AP2B1: variants seen among roughly 807,000 people sequenced by gnomAD.
The protein encoded by AP2B1 is AP-2 complex subunit beta.
In AP2B1, 23 loss-of-function variants were observed where a neutral mutation model predicts 102.0. That is an observed-to-expected ratio of 0.23 (90% confidence interval 0.16 to 0.32). AP2B1 has a LOEUF of 0.32. Ranked by LOEUF, AP2B1 falls within the 10% of genes least tolerant of loss-of-function variation. AP2B1 has a pLI of 1.00. For missense variants in AP2B1, 541 were observed against 1,157.4 expected (o/e 0.47, Z 7.73); for synonymous variants, 381 against 421.2 (o/e 0.90, Z 1.17).
At chr17:35,677,851 T>C (rs1449767201) in intron 17 of AP2B1, among the ~76,000 whole-genome samples, 1 of 132,878 alleles carries the variant, frequency 7.5e-6, no homozygotes, top group Non-Finnish European at 1.6e-5. Context: ...TTTGATGTTA[T>C]AGTAAATAGT....
At chr17:35,660,548 A>G (rs1292019640) in intron 14 of AP2B1, among the ~76,000 whole-genome samples, 1 of 126,586 alleles carries the variant, frequency 7.9e-6, no homozygotes, top group East Asian at 2.3e-4. Flanking sequence ...CAGTTGTGTG[A>G]TCTTGGCTCA....
At chr17:35,638,589 C>T (rs1295702641) in intron 10 of AP2B1, among the ~76,000 whole-genome samples, 1 of 151,868 alleles carries the variant, frequency 6.6e-6, no homozygotes, top group East Asian at 1.9e-4. Flanking sequence ...GAGATGGAGA[C>T]CATCCTGGCT....
At chr17:35,670,047 T>C (rs2075554257) in intron 14 of AP2B1, among the ~76,000 whole-genome samples, 1 of 152,244 alleles carries the variant, frequency 6.6e-6, no homozygotes, top group African/African-American at 2.4e-5. Context: ...GAGTGAATTA[T>C]ATCTATCAGA....
At chr17:35,673,149 C>T (rs1181280230) in intron 16 of AP2B1, among the ~76,000 whole-genome samples, 2 of 152,170 alleles carry the variant, frequency 1.3e-5, no homozygotes, top group Admixed American at 1.3e-4. Context: ...TGATTATTCA[C>T]CACCCACAGA....
intron 13 of AP2B1, among the ~76,000 whole-genome samples, chr17:35,656,257 C>T (rs1435894003): frequency 1.6e-5 from 1 of 64,036 alleles, no homozygotes; most frequent in Non-Finnish European, 3.5e-5. Context: ...TTTTGTTTAC[C>T]TTGTGAACCA....
intron 17 of AP2B1, among the ~76,000 whole-genome samples, chr17:35,675,652 G>C (rs1213587968): frequency 2.0e-5 from 3 of 150,992 alleles, no homozygotes; most frequent in Non-Finnish European, 3.0e-5. Flanking sequence ...TTTTTGTGGG[G>C]GGATGGAGTC....
At chr17:35,612,678 T>C (rs1392597121) in intron 5 of AP2B1, among the ~76,000 whole-genome samples, 1 of 152,206 alleles carries the variant, frequency 6.6e-6, no homozygotes, top group African/African-American at 2.4e-5. Flanking sequence ...GAAGAACTCT[T>C]CCTAAAATCA....
rs587750213 is a variant in AP2B1 at position 35,686,791 on chromosome 17, C to T, written c.2454+3967C>T. The stretch of plus-strand genomic sequence containing the variant: ...CATCCTGGCTAACACGGTGAAACCC[C>T]GTCTCTACTAAAAATGCAAAAAAAA... On this transcript the variant is annotated intron_variant, in intron 18 of 21. Coordinates refer to ENST00000610402, the MANE Select transcript of AP2B1 (RefSeq NM_001030006.2). Among the ~76,000 whole-genome samples the T allele has an allele frequency of 1.6e-3, 243 of 152,142 alleles. 1 individual carries two copies. Among genetic ancestry groups the T allele is most frequent in the African/African-American group, 5.6e-3 (234 of 41,524 alleles).
intron 12 of AP2B1, among the ~76,000 whole-genome samples, chr17:35,644,302 A>G (rs1476743460): frequency 6.6e-6 from 1 of 152,196 alleles, no homozygotes; most frequent in Admixed American, 6.5e-5. Context: ...GCATAAGCCC[A>G]TATGTATATG....
intron 18 of AP2B1, among the ~76,000 whole-genome samples, chr17:35,683,069 G>T (rs1259743228): frequency 6.6e-6 from 1 of 151,970 alleles, no homozygotes; most frequent in Non-Finnish European, 1.5e-5. Flanking sequence ...GTAGAGATGG[G>T]GTTTCACCAT....
intron 21 of AP2B1, among the ~76,000 whole-genome samples, chr17:35,720,573 A>ATATATATATATATATTT (rs1324333805): frequency 3.6e-5 from 1 of 28,068 alleles, no homozygotes; most frequent in Non-Finnish European, 6.2e-5. Context: ...ATATATATAT[A>ATATATATATATATATTT]TTTTTTTTTT....
Position 35,725,564 on chromosome 17 carries a change from G to C in AP2B1, c.*1865G>C, listed in dbSNP as rs1310282658. The C allele has an allele frequency of 6.6e-6, 1 of 152,348 alleles. No individual in the cohort carries two copies. Among genetic ancestry groups the C allele is most frequent in the Non-Finnish European group, 1.5e-5 (1 of 68,074 alleles). The allele number at this position is 152,348 out of a possible 1,614,324, so 9.4% of individuals were successfully genotyped here. On this transcript the variant is annotated 3_prime_UTR_variant, in exon 22 of 22. Coordinates refer to ENST00000610402, the MANE Select transcript of AP2B1 (RefSeq NM_001030006.2). ...ATTTGGGGAAGGAGGGAGGAAATAT[G>C]TCCCTTGCACACCACCCCTGAAGCA...
chr17:35,684,859 C>T (rs1263891885), intron 18 of AP2B1, among the ~76,000 whole-genome samples: 1 of 152,000 alleles, frequency 6.6e-6, no homozygotes, highest in Non-Finnish European at 1.5e-5. Flanking sequence ...GTCACAGAAA[C>T]CAGGGCAAAT....
At chr17:35,719,974 G>A (rs1390531679) in intron 21 of AP2B1, among the ~76,000 whole-genome samples, 4 of 152,120 alleles carry the variant, frequency 2.6e-5, no homozygotes, top group African/African-American at 7.2e-5. Context: ...AAGAACACCC[G>A]TGGAAGTGCC....
intron 21 of AP2B1, among the ~76,000 whole-genome samples, chr17:35,722,906 A>G (rs1166983247): frequency 6.6e-6 from 1 of 152,200 alleles, no homozygotes; most frequent in African/African-American, 2.4e-5. Flanking sequence ...AATATTCACC[A>G]TTAAGATCTT....
intron 5 of AP2B1, among the ~76,000 whole-genome samples, chr17:35,613,931 G>A (rs1180601324): frequency 2.6e-5 from 4 of 151,992 alleles, no homozygotes; most frequent in African/African-American, 9.7e-5. Flanking sequence ...TAGCTTTTGT[G>A]GTTTTTTTTA....
chr17:35,642,477 G>C lies in AP2B1; in HGVS notation c.1536+502G>C, dbSNP rs981522301. ...GTTTTTTTAGGTCAGAAGAAAAGAA[G>C]TTTAGATGGATTCAGATCTCAGGAA... On this transcript the variant is annotated intron_variant, in intron 12 of 21. Transcript: ENST00000610402. 2.0e-5 allele frequency among the ~76,000 whole-genome samples: 3 copies of C among 152,150 alleles called. No individual in the cohort carries two copies. In the South Asian group the frequency reaches 6.2e-4, roughly 31 times the overall value.
intron 21 of AP2B1, among the ~76,000 whole-genome samples, chr17:35,720,566 TATATA>T (rs1568063623): frequency 1.3e-4 from 7 of 54,814 alleles, no homozygotes; most frequent in Admixed American, 2.0e-4. Context: ...TATATATATA[TATATA>T]TATTTTTTTT....
At chr17:35,690,702 A>G (rs780476549) in intron 18 of AP2B1, among the ~76,000 whole-genome samples, 2 of 152,148 alleles carry the variant, frequency 1.3e-5, no homozygotes, top group Non-Finnish European at 2.9e-5. Flanking sequence ...CTGTGGTGGT[A>G]TTGCTAATCC....
Sources: allele counts gnomAD v4.1 joint callset (sites outside exome capture counted in the v4.1 genomes callset), GRCh38; gene constraint gnomAD v4.1.1; transcripts MANE v1.5; gene names NCBI Gene and HGNC (gene_info 2026-07-23, HGNC 2026-07-21).